CREB3L2: variants seen among roughly 807,000 people sequenced by gnomAD.
CREB3L2 encodes the protein cAMP responsive element binding protein 3 like 2, also known as cyclic AMP-responsive element-binding protein 3-like protein 2.
In CREB3L2, 23 loss-of-function variants were observed where a neutral mutation model predicts 57.2. The observed-to-expected ratio is 0.40, with a 90% confidence interval of 0.29 to 0.57. The LOEUF (loss-of-function observed/expected upper bound fraction) is 0.57. Ranked by LOEUF, CREB3L2 falls within the 20% of genes least tolerant of loss-of-function variation. The pLI is 0.42. For missense variants in CREB3L2, 628 were observed against 634.7 expected, an observed-to-expected ratio of 0.99 and a Z score of 0.11; for synonymous variants, 268 against 265.1, an observed-to-expected ratio of 1.01 and a Z score of -0.11.
At chr7:137,895,224 A>G (rs1799604241) in intron 8 of CREB3L2, among the ~76,000 whole-genome samples, 1 of 152,262 alleles carries the variant, frequency 6.6e-6, no homozygotes, top group Admixed American at 6.5e-5. Flanking sequence ...TTTCTCAGGG[A>G]TGAGACCAGG....
intron 1 of CREB3L2, among the ~76,000 whole-genome samples, chr7:137,968,656 T>C (rs185749365): frequency 6.6e-6 from 1 of 152,198 alleles, no homozygotes; most frequent in Non-Finnish European, 1.5e-5. Flanking sequence ...CTGTGAATAG[T>C]GGAGCTGGCC....
intron 1 of CREB3L2, among the ~76,000 whole-genome samples, chr7:137,933,460 T>C (rs1169311102): frequency 6.6e-6 from 1 of 152,228 alleles, no homozygotes; most frequent in East Asian, 1.9e-4. Flanking sequence ...AATGTTTTCA[T>C]GAACATCCCC....
chr7:137,986,119 C>A (rs1446608477), intron 1 of CREB3L2, among the ~76,000 whole-genome samples: 1 of 152,198 alleles, frequency 6.6e-6, no homozygotes, highest in Non-Finnish European at 1.5e-5. Flanking sequence ...GTGAAACAGT[C>A]TCAGAAAGGT....
chr7:137,959,149 T>C (rs1801273208), intron 1 of CREB3L2, among the ~76,000 whole-genome samples: 1 of 152,194 alleles, frequency 6.6e-6, no homozygotes, highest in South Asian at 2.1e-4. Flanking sequence ...TGGCAGGTCC[T>C]CCCATGAAGA....
At chr7:137,921,781 T>C (rs1181255923) in intron 2 of CREB3L2, among the ~76,000 whole-genome samples, 1 of 152,074 alleles carries the variant, frequency 6.6e-6, no homozygotes, top group Non-Finnish European at 1.5e-5. Flanking sequence ...CAGTTATATA[T>C]GAAAGGTTAA....
At position 137,897,048 on chromosome 7, in the gene CREB3L2, T is replaced by C. The variant is rs565884545; in HGVS notation, c.1043+4306A>G. Among the ~76,000 whole-genome samples the C allele has an allele frequency of 1.8e-3, 279 of 152,232 alleles. 1 individual carries two copies. Among genetic ancestry groups the C allele is most frequent in the African/African-American group, 6.6e-3 (273 of 41,520 alleles). Reference sequence around the variant, plus strand: ...CTACTGTACAGCATGGTGACTGTAATTAAAAATGCCATATTATATACTAGA... The same window carrying C: ...CTACTGTACAGCATGGTGACTGTAACTAAAAATGCCATATTATATACTAGA... On this transcript the variant is annotated intron_variant, in intron 8 of 11. Coordinates refer to ENST00000330387, the MANE Select transcript of CREB3L2 (RefSeq NM_194071.4).
intron 1 of CREB3L2, among the ~76,000 whole-genome samples, chr7:137,952,629 G>C (rs1801123587): frequency 6.6e-6 from 1 of 152,100 alleles, no homozygotes. Context: ...GTGTTTGACA[G>C]CCACCCTACC....
intron 2 of CREB3L2, among the ~76,000 whole-genome samples, chr7:137,926,119 T>G (rs1230923312): frequency 6.6e-6 from 1 of 152,184 alleles, no homozygotes; most frequent in Non-Finnish European, 1.5e-5. Flanking sequence ...AGGAACACTT[T>G]TACACTGTTG....
At chr7:137,916,436 C>T (rs1219335573) in intron 2 of CREB3L2, among the ~76,000 whole-genome samples, 5 of 152,148 alleles carry the variant, frequency 3.3e-5, no homozygotes, top group Admixed American at 2.6e-4. Context: ...AAAGAAGCAG[C>T]CGGGCACAGT....
At chr7:137,900,782 C>T (rs374270107) in intron 8 of CREB3L2, among the ~76,000 whole-genome samples, 21 of 151,404 alleles carry the variant, frequency 1.4e-4, no homozygotes, top group African/African-American at 3.4e-4. Context: ...CCAGCCTGGG[C>T]GACAGAGCAA....
chr7:137,963,672 C>T (rs1215257526), intron 1 of CREB3L2, among the ~76,000 whole-genome samples: 1 of 152,134 alleles, frequency 6.6e-6, no homozygotes, highest in Non-Finnish European at 1.5e-5. Flanking sequence ...GAGTCTCTGG[C>T]CATGGAGCTT....
intron 1 of CREB3L2, among the ~76,000 whole-genome samples, chr7:137,995,479 C>T (rs1024840307): frequency 2.6e-5 from 4 of 151,556 alleles, no homozygotes; most frequent in South Asian, 2.1e-4. Context: ...GGATTACAGG[C>T]GCCCGCCACC....
In CREB3L2 at chr7:137,875,726, C is replaced by G. The variant is rs1232948152; in HGVS notation, c.*4750G>C. On this transcript the variant is annotated 3_prime_UTR_variant, in exon 12 of 12. Transcript: ENST00000330387. ...GCTGCATTTCCCATATTACTTAGTT[C>G]TTTATTCATCCTGTGGTAAAGAGTC... 4.5e-6 allele frequency: 1 copy of G among 222,668 alleles called. No individual in the cohort carries two copies. The highest frequency in any genetic ancestry group is 2.2e-5 in the African/African-American group (1 of 44,790). 13.8% of individuals were successfully genotyped at this position (222,668 alleles called of 1,614,324 possible).
intron 2 of CREB3L2, among the ~76,000 whole-genome samples, chr7:137,917,704 A>C (rs183593233): frequency 2.0e-5 from 3 of 152,358 alleles, no homozygotes; most frequent in East Asian, 3.9e-4. Context: ...TCTTTAAAGC[A>C]CAAAAATGTT....
At position 138,001,966 on chromosome 7, in the gene CREB3L2, G is replaced by A. The variant is rs1585688649; in HGVS notation, c.-261C>T. The stretch of plus-strand genomic sequence containing the variant: ...AAGGCTGCCGGGGCTAAAGCGGGAT[G>A]TGCATCCAAAATGAAGGCAGAAGAC... On this transcript the variant is annotated 5_prime_UTR_variant, in exon 1 of 12. Coordinates refer to ENST00000330387, the MANE Select transcript of CREB3L2 (RefSeq NM_194071.4). The surrounding 1 kb of genome is among the most constrained non-coding windows in gnomAD (Gnocchi z 4.2). 4 of 425,056 alleles carry A rather than the reference G, an allele frequency of 9.4e-6. No homozygotes were observed. The highest frequency in any genetic ancestry group is 1.2e-3 in the Middle Eastern group (2 of 1,608). The allele number at this position is 425,056 out of a possible 1,614,324, so 26.3% of individuals were successfully genotyped here. A position where few individuals can be genotyped will look rare whatever the true frequency, so the allele number is the denominator to read the frequency against.
chr7:137,904,983 T>C (rs1307716661), intron 6 of CREB3L2, among the ~76,000 whole-genome samples: 1 of 152,042 alleles, frequency 6.6e-6, no homozygotes, highest in Non-Finnish European at 1.5e-5. Flanking sequence ...CTGAAGTACA[T>C]ATATAAAATA....
chr7:137,928,601 GA>G (rs1800536500), intron 1 of CREB3L2, among the ~76,000 whole-genome samples: 1 of 152,132 alleles, frequency 6.6e-6, no homozygotes, highest in African/African-American at 2.4e-5. Flanking sequence ...TGGGTGAGCT[GA>G]TTTCATCTGT....
intron 3 of CREB3L2, among the ~76,000 whole-genome samples, chr7:137,914,643 TAATA>T (rs1800087821): frequency 6.6e-6 from 1 of 151,572 alleles, no homozygotes; most frequent in Non-Finnish European, 1.5e-5. Context: ...AAAAAAAAAG[TAATA>T]AATAAAGTAA....
intron 1 of CREB3L2, among the ~76,000 whole-genome samples, chr7:137,987,248 T>C (rs903693591): frequency 6.6e-6 from 1 of 152,156 alleles, no homozygotes. Flanking sequence ...CTAGATCCCA[T>C]CTCTTTCCAA....
Sources: allele counts gnomAD v4.1 joint callset (sites outside exome capture counted in the v4.1 genomes callset), GRCh38; gene constraint gnomAD v4.1.1; non-coding constraint Gnocchi (gnomAD v3.1); transcripts MANE v1.5; gene names NCBI Gene and HGNC (gene_info 2026-07-23, HGNC 2026-07-21).